The following ACACA variants were observed in gnomAD, a reference collection of about 807,000 sequenced individuals.
ACACA encodes the protein acetyl-CoA carboxylase 1.
In ACACA, 103 loss-of-function variants were observed where a neutral mutation model predicts 296.1. The ratio of observed to expected loss-of-function variants is 0.35; its 90% CI spans 0.30 to 0.41. The LOEUF is 0.41. Among genes scored for constraint, ACACA ranks in the 10% least tolerant of loss-of-function variants. The pLI is 1.00. For missense variants in ACACA, 1,554 were observed against 2,989.7 expected, an observed-to-expected ratio of 0.52 and a Z score of 11.20; for synonymous variants, 953 against 1,038.6, an observed-to-expected ratio of 0.92 and a Z score of 1.58.
chr17:37,094,386 C>T (rs974104952), intron 54 of ACACA, among the ~76,000 whole-genome samples: 1 of 152,120 alleles, frequency 6.6e-6, no homozygotes, highest in Non-Finnish European at 1.5e-5. Context: ...AAAACAAATT[C>T]TCTGGGAACA....
intron 16 of ACACA, among the ~76,000 whole-genome samples, chr17:37,250,302 C>T (rs1050234353): frequency 6.6e-6 from 1 of 152,090 alleles, no homozygotes. Context: ...CTTTTTTGTG[C>T]CTTTTGAATT....
chr17:37,378,929 C>T (rs1224148390), intron 1 of ACACA, among the ~76,000 whole-genome samples: 1 of 151,964 alleles, frequency 6.6e-6, no homozygotes, highest in Non-Finnish European at 1.5e-5. Context: ...AGCAAAGTGG[C>T]ATACACCTGT....
intron 45 of ACACA, among the ~76,000 whole-genome samples, chr17:37,136,034 A>G (rs2075316725): frequency 6.7e-6 from 1 of 150,062 alleles, no homozygotes; most frequent in Non-Finnish European, 1.5e-5. Flanking sequence ...GACATGAGCC[A>G]CCATGCCCAG....
At chr17:37,334,441 T>C (rs957598722) in intron 2 of ACACA, among the ~76,000 whole-genome samples, 10 of 152,212 alleles carry the variant, frequency 6.6e-5, no homozygotes, top group East Asian at 1.9e-4. Flanking sequence ...CATCCCTAGA[T>C]ACATCCTGGG....
intron 17 of ACACA, 45 bp from the exon 18 acceptor site, chr17:37,248,201 A>T (rs1193653468): frequency 3.7e-6 from 6 of 1,611,264 alleles, no homozygotes; most frequent in African/African-American, 1.3e-5. Flanking sequence ...TTCCAGGTAC[A>T]GCTCCAAATG....
At chr17:37,299,715 C>A in intron 3 of ACACA, 1 of 1,006,852 alleles carries the variant, frequency 9.9e-7, no homozygotes, top group South Asian at 4.4e-5. Flanking sequence ...CAACAACAGT[C>A]ACTTTCTTCT....
chr17:37,151,227 C>A (rs1331470560), intron 44 of ACACA, 74 bp downstream of exon 44: 1 of 1,556,926 alleles, frequency 6.4e-7, no homozygotes, highest in Middle Eastern at 1.7e-4. Context: ...GACTGAATAG[C>A]AGTGATAAGA....
chr17:37,150,541 C>G (rs74793528), intron 44 of ACACA, among the ~76,000 whole-genome samples: 1 of 143,408 alleles, frequency 7.0e-6, no homozygotes, highest in Non-Finnish European at 1.5e-5. Context: ...GACTCTGTCT[C>G]AAAAAAAAAA....
chr17:37,283,793 G>A (rs962386537), intron 4 of ACACA, among the ~76,000 whole-genome samples: 1 of 152,146 alleles, frequency 6.6e-6, no homozygotes, highest in African/African-American at 2.4e-5. Flanking sequence ...ACTCTTCTCT[G>A]TTGCAATAAA....
At position 37,390,304 on chromosome 17, in the gene ACACA, T is replaced by TTATATATA. The variant is rs1189193698; in HGVS notation, c.38+15950_38+15957dup. Reference sequence around the variant, plus strand: ...ATATATAATTATATATTATACATAATTATATATATATATATATATATATAT... The same window carrying TTATATATA: ...ATATATAATTATATATTATACATAATTATATATATATATATATATATATATATATATAT... On this transcript the variant is annotated intron_variant, in intron 1 of 55. Coordinates refer to ENST00000616317, the MANE Select transcript of ACACA (RefSeq NM_198834.3). Among the ~76,000 whole-genome samples, 147 of 17,974 alleles carry TTATATATA rather than the reference T, an allele frequency of 8.2e-3. 1 individual carries two copies. Among genetic ancestry groups the TTATATATA allele is most frequent in the South Asian group, 9.3e-3 (5 of 540 alleles). 11.8% of individuals were successfully genotyped at this position (17,974 alleles called of 152,430 possible). A position where few individuals can be genotyped will look rare whatever the true frequency, so the allele number is the denominator to read the frequency against.
At chr17:37,275,852 C>A in intron 8 of ACACA, 99 bp downstream of exon 8, 5 of 1,003,340 alleles carry the variant, frequency 5.0e-6, no homozygotes, top group Non-Finnish European at 8.0e-6. Flanking sequence ...TATTCCATTT[C>A]TTGTCAAGTA....
At position 37,146,598 on chromosome 17, in the gene ACACA, G is replaced by A. The variant is rs58429793; in HGVS notation, c.5679+3266C>T. The stretch of plus-strand genomic sequence containing the variant: ...CTATTTCTATGCAAATAACAACCTC[G>A]TGGTTTATATCTTATTATTTCCACC... On this transcript the variant is annotated intron_variant, in intron 45 of 55. Transcript: ENST00000616317. Among the ~76,000 whole-genome samples, 177 of 139,396 alleles carry A rather than the reference G, an allele frequency of 1.3e-3. 1 individual carries two copies. Among genetic ancestry groups the A allele is most frequent in the African/African-American group, 4.4e-3 (168 of 38,258 alleles). The allele number at this position is 139,396 out of a possible 152,430, so 91.4% of individuals were successfully genotyped here.
intron 11 of ACACA, among the ~76,000 whole-genome samples, chr17:37,261,756 CA>C: frequency 6.6e-6 from 1 of 152,276 alleles, no homozygotes; most frequent in African/African-American, 2.4e-5. Flanking sequence ...TATTATATAG[CA>C]GGGAATCATT....
intron 1 of ACACA, among the ~76,000 whole-genome samples, chr17:37,347,782 T>C (rs1191263504): frequency 1.3e-5 from 2 of 151,110 alleles, no homozygotes; most frequent in Admixed American, 1.3e-4. Context: ...AAAAATTTTT[T>C]AACAAGAAAG....
intron 11 of ACACA, among the ~76,000 whole-genome samples, chr17:37,262,889 TCAGCTAA>T (rs1490313536): frequency 2.1e-4 from 32 of 151,892 alleles, no homozygotes; most frequent in African/African-American, 7.7e-4. Flanking sequence ...GCCATGACAC[TCAGCTAA>T]TTTTTGTATT....
intron 23 of ACACA, 29 bp downstream of exon 23, chr17:37,241,924 T>A: frequency 6.4e-7 from 1 of 1,569,690 alleles, no homozygotes. Context: ...TATGGACAGG[T>A]CTGGGAATCT....
In ACACA at chr17:37,379,178, C is replaced by T. The variant is rs373749911; in HGVS notation, c.38+27084G>A. The T allele has an allele frequency of 1.3e-5, 21 of 1,613,824 alleles. No individual in the cohort carries two copies. In the Admixed American group the frequency reaches 1.3e-4, roughly 10 times the overall value. ...CAAAAGGACAACATTCATTCAAAAC[C>T]GGACTATAGCTACCCTGCAGTGCCT... On this transcript the variant is annotated intron_variant, in intron 1 of 55. Coordinates refer to ENST00000616317, the MANE Select transcript of ACACA (RefSeq NM_198834.3).
chr17:37,090,501 G>C (rs1453600346), intron 54 of ACACA, among the ~76,000 whole-genome samples: 1 of 152,160 alleles, frequency 6.6e-6, no homozygotes, highest in Non-Finnish European at 1.5e-5. Flanking sequence ...AAGCAGATCA[G>C]CAATTCTTCA....
At chr17:37,116,595 A>T (rs2074266933) in intron 50 of ACACA, among the ~76,000 whole-genome samples, 1 of 152,174 alleles carries the variant, frequency 6.6e-6, no homozygotes, top group African/African-American at 2.4e-5. Context: ...TATTGCCTCC[A>T]TCTAACTTGG....
Sources: allele counts gnomAD v4.1 joint callset (sites outside exome capture counted in the v4.1 genomes callset), GRCh38; gene constraint gnomAD v4.1.1; transcripts MANE v1.5; gene names NCBI Gene and HGNC (gene_info 2026-07-23, HGNC 2026-07-21).